Variants in MYO5A observed in about 807,000 individuals in gnomAD.
The protein encoded by MYO5A is unconventional myosin-Va.
In MYO5A, 98 loss-of-function variants were observed where a neutral mutation model predicts 249.7. The ratio of observed to expected loss-of-function variants is 0.39; its 90% CI spans 0.33 to 0.46. The LOEUF (loss-of-function observed/expected upper bound fraction) is 0.46. Among genes scored for constraint, MYO5A ranks in the 20% least tolerant of loss-of-function variants. The pLI is 0.98. For missense variants in MYO5A, 1,696 were observed against 2,308.8 expected, an observed-to-expected ratio of 0.73 and a Z score of 5.44; for synonymous variants, 778 against 810.6, an observed-to-expected ratio of 0.96 and a Z score of 0.68.
Position 52,367,067 on chromosome 15 carries a change from T to A in MYO5A, c.3124A>T (p.Asn1042Tyr), listed in dbSNP as rs1413503876. Residue 1042 changes from asparagine to tyrosine, a missense_variant, in exon 23 of 42, where the codon AAT (asparagine) becomes TAT (tyrosine). Coordinates refer to ENST00000399233, the MANE Select transcript of MYO5A (RefSeq NM_001382347.1). Reference protein sequence around the residue: ...TLLKQEKEALNHRIVQQAKEM... With the variant: ...TLLKQEKEALYHRIVQQAKEM... ...TTAGCCTGCTGCACGATGCGGTGAT[T>A]GAGGGCTTCTTTTTCTTGCTTCAGC... 1.2e-6 allele frequency: 2 copies of A among 1,613,890 alleles called. No individual in the cohort carries two copies. The highest frequency in any genetic ancestry group is 3.3e-5 in the Admixed American group (2 of 60,010).
At chr15:52,454,445 T>C (rs1040835084) in intron 1 of MYO5A, among the ~76,000 whole-genome samples, 1 of 152,114 alleles carries the variant, frequency 6.6e-6, no homozygotes, top group African/African-American at 2.4e-5. Context: ...CTGTCAGTAA[T>C]GGACAGATCA....
At chr15:52,407,571 TTTAA>T (rs2043062737) in intron 7 of MYO5A, among the ~76,000 whole-genome samples, 172 bp from the exon 8 acceptor site, 1 of 152,028 alleles carries the variant, frequency 6.6e-6, no homozygotes, top group African/African-American at 2.4e-5. Context: ...TTAAATAAAA[TTTAA>T]TTAAATAAAT....
In MYO5A at chr15:52,392,080, AAAAG is replaced by A. The variant is rs766940103; in HGVS notation, c.1402-14_1402-11del. ...CCAATTTGAAGACATGCTGAAATGAAAAAGAAAAAAAGCAGTCATTACTGGATCA... is the reference window on the plus strand; with the variant it reads ...CCAATTTGAAGACATGCTGAAATGAAAAAAAAAGCAGTCATTACTGGATCA... On this transcript the variant is annotated splice_polypyrimidine_tract_variant and intron_variant, in intron 11 of 41. Coordinates refer to ENST00000399233, the MANE Select transcript of MYO5A (RefSeq NM_001382347.1). The A allele has an allele frequency of 6.2e-7, 1 of 1,607,050 alleles. No homozygotes were observed. Among genetic ancestry groups the A allele is most frequent in the Non-Finnish European group, 8.5e-7 (1 of 1,177,484 alleles).
In MYO5A at chr15:52,425,939, G is replaced by A; in HGVS notation, c.346C>T (p.Leu116=). 1 of 1,613,066 alleles carries A rather than the reference G, an allele frequency of 6.2e-7. No homozygotes were observed. The highest frequency in any genetic ancestry group is 8.5e-7 in the Non-Finnish European group (1 of 1,179,128). Residue 116 remains leucine (L), a synonymous_variant, in exon 4 of 42, where the codon CTG becomes TTG. Transcript: ENST00000399233. The part of the protein sequence containing the change: ...VLVAINPYEQ[L]PIYGEDIINA... ...ATAATATCTTCTCCATAAATAGGCA[G>A]CTGTTCATAGGGATTTATAGCTACT...
chr15:52,488,847 C>G (rs2076877569), intron 1 of MYO5A, among the ~76,000 whole-genome samples: 1 of 152,146 alleles, frequency 6.6e-6, no homozygotes, highest in South Asian at 2.1e-4. Flanking sequence ...ATAAATGACA[C>G]TTAATAACAA....
intron 9 of MYO5A, 126 bp downstream of exon 9, chr15:52,405,161 T>C (rs1302886988): frequency 1.3e-6 from 1 of 760,688 alleles, no homozygotes; most frequent in African/African-American, 1.7e-5. Context: ...GGATAACATA[T>C]GTCTTTGATA....
intron 11 of MYO5A, among the ~76,000 whole-genome samples, chr15:52,394,332 T>C (rs1353765243): frequency 2.0e-5 from 3 of 152,156 alleles, no homozygotes; most frequent in Non-Finnish European, 4.4e-5. Context: ...GTATTTGAAC[T>C]GGGAAACAAG....
At chr15:52,359,127 A>G (rs1007398199) in intron 25 of MYO5A, among the ~76,000 whole-genome samples, 1 of 152,224 alleles carries the variant, frequency 6.6e-6, no homozygotes, top group African/African-American at 2.4e-5. Context: ...ATTTTTCTTC[A>G]AAATTAACAG....
Position 52,319,201 on chromosome 15 carries a change from G to A in MYO5A, c.5093C>T (p.Ser1698Leu), listed in dbSNP as rs9282796. 826 of 1,614,196 alleles carry A rather than the reference G, an allele frequency of 5.1e-4. 3 individuals carry two copies. The highest frequency in any genetic ancestry group is 4.6e-3 in the African/African-American group (349 of 75,054). ...SILRQLNSFHSVMCQHGMDPE... is the reference protein window; with the variant it reads ...SILRQLNSFHLVMCQHGMDPE... ...GTCCATGCCATGCTGACACATGACC[G>A]AGTGGAAGGAGTTGAGCTGCCGGAG... The change falls in exon 39 of 42, where the codon TCG becomes TTG. Residue 1698 changes from serine to leucine, a missense_variant. Around this residue, in one of 5 missense-constraint regions of MYO5A, gnomAD observed 625 missense variants for 908.1 expected, o/e 0.69. Coordinates refer to ENST00000399233, the MANE Select transcript of MYO5A (RefSeq NM_001382347.1).
rs2037794804 is a variant in MYO5A, at chr15:52,312,124, T to C, written c.*1572A>G. The C allele has an allele frequency of 1.3e-5, 2 of 152,228 alleles. No homozygotes were observed. The highest frequency in any genetic ancestry group is 4.8e-5 in the African/African-American group (2 of 41,458). The allele number at this position is 152,228 out of a possible 1,614,324, so 9.4% of individuals were successfully genotyped here. A position where few individuals can be genotyped will look rare whatever the true frequency, so the allele number is the denominator to read the frequency against. Reference sequence around the variant, plus strand: ...ATGAAAACTTACAGAATCTGGGTCTTAATGAACCAAATCCTCTGTAAAATT... The same window carrying C: ...ATGAAAACTTACAGAATCTGGGTCTCAATGAACCAAATCCTCTGTAAAATT... On this transcript the variant is annotated 3_prime_UTR_variant, in exon 42 of 42. Transcript: ENST00000399233.
chr15:52,395,085 G>C (rs970581495), intron 11 of MYO5A, among the ~76,000 whole-genome samples: 15 of 152,080 alleles, frequency 9.9e-5, no homozygotes, highest in African/African-American at 3.6e-4. Flanking sequence ...GCAATTCCTT[G>C]TCCCATCTCT....
intron 1 of MYO5A, among the ~76,000 whole-genome samples, chr15:52,491,737 T>C (rs1595783764): frequency 6.6e-6 from 1 of 152,324 alleles, no homozygotes; most frequent in African/African-American, 2.4e-5. Context: ...ATCCTCAGGA[T>C]ATATGAAGGC....
rs138612243 is a variant in MYO5A, at chr15:52,344,433, T to C, written c.3960-1236A>G. ...ACGGTATCACCACACCTAACCAAGA[T>C]AGCAGAAACCACGGAGTCACCTTCA... On this transcript the variant is annotated intron_variant, in intron 30 of 41. Coordinates refer to ENST00000399233, the MANE Select transcript of MYO5A (RefSeq NM_001382347.1). 5.5e-3 allele frequency among the ~76,000 whole-genome samples: 832 copies of C among 152,288 alleles called. 9 individuals are homozygous for C. The highest frequency in any genetic ancestry group is 0.019 in the African/African-American group (799 of 41,554).
intron 1 of MYO5A, among the ~76,000 whole-genome samples, chr15:52,495,692 T>C (rs1483265399): frequency 6.6e-6 from 1 of 152,206 alleles, no homozygotes; most frequent in Non-Finnish European, 1.5e-5. Context: ...AGTAAATAGA[T>C]AGATAAATAG....
At chr15:52,398,714 C>T (rs1044346372) in intron 9 of MYO5A, among the ~76,000 whole-genome samples, 1 of 152,148 alleles carries the variant, frequency 6.6e-6, no homozygotes, top group African/African-American at 2.4e-5. Flanking sequence ...TCAGGCTGGG[C>T]GTGGTGGCTC....
chr15:52,450,854 T>TTTTTTTGTTTGTTTTTTG (rs2076005198), intron 1 of MYO5A, among the ~76,000 whole-genome samples: 1 of 146,862 alleles, frequency 6.8e-6, no homozygotes, highest in South Asian at 2.2e-4. Flanking sequence ...TTTTTTTTTT[T>TTTTTTTGTTTGTTTTTTG]TTTTTTTTTT....
chr15:52,458,342 G>A (rs980685658), intron 1 of MYO5A, among the ~76,000 whole-genome samples: 1 of 152,186 alleles, frequency 6.6e-6, no homozygotes, highest in Non-Finnish European at 1.5e-5. Flanking sequence ...TTGAAAGGCC[G>A]AGGCAAGTAT....
rs1441544634 is a variant in MYO5A, at chr15:52,321,485, G to A, written c.4825C>T (p.Arg1609Cys). 2.5e-6 allele frequency: 4 copies of A among 1,614,182 alleles called. No homozygotes were observed. Among genetic ancestry groups the A allele is most frequent in the South Asian group, 2.2e-5 (2 of 91,084 alleles). Reference protein sequence around the residue: ...EEGFMKHNTSRQNEHCLTNFD... With the variant: ...EEGFMKHNTSCQNEHCLTNFD... ...TTGGTGAGGCAGTGTTCATTCTGGC[G>A]AGATGTGTTGTGCTTCATAAAGCCC... Residue 1609 changes from arginine (R) to cysteine (C), a missense_variant, in exon 38 of 42, where the codon CGC becomes TGC. Arg to Cys is a radical substitution (Grantham distance 180). Transcript: ENST00000399233.
At chr15:52,487,598 C>T (rs527600779) in intron 1 of MYO5A, among the ~76,000 whole-genome samples, 2 of 151,730 alleles carry the variant, frequency 1.3e-5, no homozygotes, top group African/African-American at 4.8e-5. Context: ...GTGACAGGTG[C>T]CTATAATCCC....
Sources: gnomAD v4.1 joint callset for allele counts (sites outside exome capture counted in the v4.1 genomes callset) on GRCh38, gnomAD v4.1.1 for gene constraint, gnomAD v4.1.1 regional missense constraint, MANE v1.5 for transcripts, NCBI Gene and HGNC (gene_info 2026-07-23, HGNC 2026-07-21) for gene names.